Variants in TFEC observed in about 807,000 individuals in gnomAD.
TFEC encodes transcription factor EC, also known as class E basic helix-loop-helix protein 34.
A neutral mutation model predicts 41.6 loss-of-function variants in TFEC; 31 were observed. That is an observed-to-expected ratio of 0.74 (90% CI 0.56 to 1.01). The LOEUF (loss-of-function observed/expected upper bound fraction) is 1.01, where lower values mean the gene tolerates loss of function less well. TFEC is among the 50% of genes least tolerant of loss of function. TFEC has a pLI of 0.00. For missense variants in TFEC, 402 were observed against 404.1 expected, an observed-to-expected ratio of 0.99 and a Z score of 0.04; for synonymous variants, 143 against 140.6, an observed-to-expected ratio of 1.02 and a Z score of -0.12.
intron 3 of TFEC, among the ~76,000 whole-genome samples, chr7:115,973,783 C>G (rs1793243426): frequency 6.6e-6 from 1 of 151,968 alleles, no homozygotes; most frequent in Non-Finnish European, 1.5e-5. Flanking sequence ...TATAGAGCCT[C>G]TAAATCTGAA....
chr7:116,152,445 C>G (rs1415653293), intron 1 of TFEC, among the ~76,000 whole-genome samples: 1 of 152,186 alleles, frequency 6.6e-6, no homozygotes, highest in Non-Finnish European at 1.5e-5. Flanking sequence ...AGAGAAGAAG[C>G]TCCTGAGATC....
At chr7:116,037,188 G>A (rs1795930170) in intron 3 of TFEC, among the ~76,000 whole-genome samples, 1 of 151,968 alleles carries the variant, frequency 6.6e-6, no homozygotes, top group South Asian at 2.1e-4. Flanking sequence ...CTTTTTAACG[G>A]CAATTGATTT....
At chr7:116,043,743 C>T (rs1796094532) in intron 3 of TFEC, among the ~76,000 whole-genome samples, 1 of 152,130 alleles carries the variant, frequency 6.6e-6, no homozygotes, top group African/African-American at 2.4e-5. Flanking sequence ...ACCTGATGCA[C>T]TCCTACCAAG....
chr7:115,961,487 C>T (rs1792548685), intron 3 of TFEC, among the ~76,000 whole-genome samples: 1 of 151,172 alleles, frequency 6.6e-6, no homozygotes, highest in South Asian at 2.1e-4. Flanking sequence ...AATTAACCAT[C>T]ATTCTTTTAA....
intron 3 of TFEC, among the ~76,000 whole-genome samples, chr7:115,963,375 T>C (rs1311578730): frequency 6.6e-6 from 1 of 151,580 alleles, no homozygotes; most frequent in Non-Finnish European, 1.5e-5. Flanking sequence ...GAAAGAAGTA[T>C]GGAAGTTCCT....
chr7:115,954,581 C>T lies in TFEC; in HGVS notation c.439+5G>A. On this transcript the variant is annotated splice_donor_5th_base_variant and intron_variant, in intron 5 of 7. Coordinates refer to ENST00000265440, the MANE Select transcript of TFEC (RefSeq NM_012252.4). ...TTAATTTTATATGGAAAAATATATA[C>T]TCACTGAGGTTGTGGTTGTCCTTTT... is the stretch of plus-strand genomic sequence containing the variant. 1 of 1,609,350 alleles carries T rather than the reference C, an allele frequency of 6.2e-7. No individual in the cohort carries two copies. The highest frequency in any genetic ancestry group is 8.5e-7 in the Non-Finnish European group (1 of 1,177,244).
In TFEC at chr7:116,110,664, T is replaced by C. The variant is rs1195660798; in HGVS notation, c.198+44A>G. On this transcript the variant is annotated intron_variant, in intron 3 of 8. Coordinates refer to the TFEC transcript ENST00000484212. ...GACAGATTTTCAGAGGTAGTTACTA[T>C]ACTTACTTAGAAATTACGGCTGTAT... 14 of 1,219,166 alleles carry C rather than the reference T, an allele frequency of 1.1e-5. 1 individual carries two copies. The highest frequency in any genetic ancestry group is 1.4e-5 in the Non-Finnish European group (13 of 945,514). 75.5% of individuals were successfully genotyped at this position (1,219,166 alleles called of 1,614,324 possible). A position where few individuals can be genotyped will look rare whatever the true frequency, so the allele number is the denominator to read the frequency against.
At chr7:116,032,130 T>C (rs1795799278), upstream of TFEC, among the ~76,000 whole-genome samples, 1 of 152,150 alleles carries the variant, frequency 6.6e-6, no homozygotes, top group Admixed American at 6.6e-5. Flanking sequence ...GCTTCAAAAG[T>C]TGGAAACATG....
At position 115,982,200 on chromosome 7, in the gene TFEC, C is replaced by T. The variant is rs187281211; in HGVS notation, c.180+2062G>A. Among the ~76,000 whole-genome samples, 17 of 150,088 alleles carry T rather than the reference C, an allele frequency of 1.1e-4. No homozygotes were observed. The East Asian group carries it at 3.3e-3, about 29-fold the overall frequency. Reference sequence around the variant, plus strand: ...TCCCTGATGTCACAGGTGGAAAAGGCTTGGGAGAAAAAAAAAACAAAAAAA... The same window carrying T: ...TCCCTGATGTCACAGGTGGAAAAGGTTTGGGAGAAAAAAAAAACAAAAAAA... On this transcript the variant is annotated intron_variant, in intron 2 of 7. Transcript: ENST00000265440.
chr7:116,001,554 A>C (rs1213708971), intron 1 of TFEC, among the ~76,000 whole-genome samples: 10 of 151,942 alleles, frequency 6.6e-5, no homozygotes, highest in Non-Finnish European at 2.9e-5. Flanking sequence ...AACAAAAAAA[A>C]CATTGGGGAA....
intron 3 of TFEC, among the ~76,000 whole-genome samples, chr7:115,959,463 T>G (rs1344215049): frequency 1.3e-5 from 2 of 151,846 alleles, no homozygotes; most frequent in East Asian, 3.9e-4. Context: ...GTCTAACCTT[T>G]CCACATATAC....
rs532460296 is a variant in TFEC at position 115,955,587 on chromosome 7, G to A, written c.383-945C>T. 1.6e-4 allele frequency among the ~76,000 whole-genome samples: 24 copies of A among 152,148 alleles called. No individual in the cohort carries two copies. The South Asian group carries it at 4.8e-3, about 30-fold the overall frequency. On this transcript the variant is annotated intron_variant, in intron 4 of 7. Transcript: ENST00000265440. The stretch of plus-strand genomic sequence containing the variant: ...ACATCTTGACTACAGCCTCATAAGA[G>A]ATTCTGGTCTGAACGAATTCACTAG...
At chr7:116,062,644 A>G (rs1796597421) in intron 3 of TFEC, among the ~76,000 whole-genome samples, 1 of 145,442 alleles carries the variant, frequency 6.9e-6, no homozygotes, top group Non-Finnish European at 1.5e-5. Context: ...GGCTGGTTCA[A>G]TATTTTTGCA....
At chr7:116,158,267 G>C (rs1207310251) in intron 1 of TFEC, among the ~76,000 whole-genome samples, 2 of 151,930 alleles carry the variant, frequency 1.3e-5, no homozygotes, top group Non-Finnish European at 2.9e-5. Flanking sequence ...AGCCTATAGA[G>C]TCTTTTTTAA....
At chr7:115,949,671 C>A (rs1353193158) in intron 6 of TFEC, among the ~76,000 whole-genome samples, 6 of 152,026 alleles carry the variant, frequency 3.9e-5, no homozygotes, top group Admixed American at 3.9e-4. Flanking sequence ...AACTGGATCC[C>A]TTCCTTACAC....
chr7:115,984,533 C>A lies in TFEC; in HGVS notation c.-72-20G>T. ...TGGGACCTACAAGATCAAAATTAAA[C>A]AAATACAATGTGCAGCATCAGCTGT... is the stretch of plus-strand genomic sequence containing the variant. On this transcript the variant is annotated intron_variant, in intron 1 of 7. Coordinates refer to ENST00000265440, the MANE Select transcript of TFEC (RefSeq NM_012252.4). 2 of 1,611,194 alleles carry A rather than the reference C, an allele frequency of 1.2e-6. No individual in the cohort carries two copies. The highest frequency in any genetic ancestry group is 2.2e-5 in the South Asian group (2 of 90,898).
At chr7:116,131,537 T>C (rs1798332236) in intron 1 of TFEC, among the ~76,000 whole-genome samples, 1 of 152,256 alleles carries the variant, frequency 6.6e-6, no homozygotes, top group Admixed American at 6.5e-5. Flanking sequence ...AATCATATTA[T>C]GTTTTTATTA....
upstream of TFEC, among the ~76,000 whole-genome samples, chr7:116,032,561 C>G (rs1421002016): frequency 6.6e-6 from 1 of 152,012 alleles, no homozygotes; most frequent in Non-Finnish European, 1.5e-5. Flanking sequence ...GGCCATTATC[C>G]TTAGGAAATT....
rs1461987909 is a variant in TFEC, at chr7:116,081,240, AT to A, written c.198+29467del. 3.9e-5 allele frequency among the ~76,000 whole-genome samples: 6 copies of A among 151,968 alleles called. No individual in the cohort carries two copies. The South Asian group carries it at 1.2e-3, about 32-fold the overall frequency. On this transcript the variant is annotated intron_variant, in intron 3 of 8. Transcript: ENST00000484212. ...GGGAAAAGGTGGGAGGGGGTGAGGG[AT>A]AAAAGACTACCCACTGGGTACAGTG... is the stretch of plus-strand genomic sequence containing the variant.
Sources: allele counts gnomAD v4.1 joint callset (sites outside exome capture counted in the v4.1 genomes callset), GRCh38; gene constraint gnomAD v4.1.1; transcripts MANE v1.5; gene names NCBI Gene and HGNC (gene_info 2026-07-23, HGNC 2026-07-21).